SLC4A4: variants seen among roughly 807,000 people sequenced by gnomAD.
SLC4A4 encodes the protein solute carrier family 4 member 4.
A neutral mutation model predicts 111.5 loss-of-function variants in SLC4A4; 27 were observed. The ratio of observed to expected loss-of-function variants is 0.24; its 90% CI spans 0.18 to 0.33. The LOEUF is 0.33. Among genes scored for constraint, SLC4A4 ranks in the 10% least tolerant of loss-of-function variants. The probability of loss-of-function intolerance (pLI) is 1.00; values close to 1 mark genes in which losing one functional copy is unlikely to be tolerated. For missense variants in SLC4A4, 909 were observed against 1,315.5 expected (o/e 0.69, Z 4.78); for synonymous variants, 443 against 463.4 (o/e 0.96, Z 0.57).
At chr4:71,201,470 A>G (rs953076832) in intron 1 of SLC4A4, among the ~76,000 whole-genome samples, 1 of 152,146 alleles carries the variant, frequency 6.6e-6, no homozygotes, top group African/African-American at 2.4e-5. Context: ...TCTGCAGGGG[A>G]GATCTGGGCT....
chr4:71,406,645 C>CTTTTTTT (rs58765854), intron 7 of SLC4A4, among the ~76,000 whole-genome samples: 2 of 140,250 alleles, frequency 1.4e-5, no homozygotes, highest in Non-Finnish European at 1.5e-5. Flanking sequence ...AACAATGATT[C>CTTTTTTT]TTTTTTTTTT....
intron 2 of SLC4A4, among the ~76,000 whole-genome samples, chr4:71,151,322 G>T (rs759934223): frequency 6.6e-6 from 1 of 152,010 alleles, no homozygotes. Context: ...CTATATCAAC[G>T]GTAGGTTTTG....
At chr4:71,199,014 G>T (rs1198854129) in intron 1 of SLC4A4, among the ~76,000 whole-genome samples, 1 of 152,162 alleles carries the variant, frequency 6.6e-6, no homozygotes, top group Non-Finnish European at 1.5e-5. Context: ...TTGGTAAATA[G>T]ACCTAATCTT....
At chr4:71,081,173 C>T (rs1469144801) in intron 1 of SLC4A4, among the ~76,000 whole-genome samples, 2 of 152,132 alleles carry the variant, frequency 1.3e-5, no homozygotes, top group Non-Finnish European at 2.9e-5. Flanking sequence ...CTTTCCCACC[C>T]TGAGAGTACA....
At chr4:71,424,921 CAT>C (rs1290092870) in intron 7 of SLC4A4, among the ~76,000 whole-genome samples, 1 of 151,928 alleles carries the variant, frequency 6.6e-6, no homozygotes, top group Non-Finnish European at 1.5e-5. Flanking sequence ...AATGCACCAA[CAT>C]GGCACATGTA....
At chr4:71,109,762 C>T (rs1242373077) in intron 2 of SLC4A4, among the ~76,000 whole-genome samples, 8 of 152,030 alleles carry the variant, frequency 5.3e-5, no homozygotes, top group African/African-American at 1.9e-4. Context: ...AGGCTGGTCT[C>T]GAAACCCTGA....
intron 1 of SLC4A4, among the ~76,000 whole-genome samples, chr4:71,066,649 G>A (rs1252113101): frequency 1.3e-5 from 2 of 152,242 alleles, no homozygotes; most frequent in East Asian, 1.9e-4. Flanking sequence ...ATCAAATTGG[G>A]AATAATTGCT....
chr4:71,324,696 T>G (rs895306833), intron 3 of SLC4A4, among the ~76,000 whole-genome samples: 1 of 152,086 alleles, frequency 6.6e-6, no homozygotes, highest in Admixed American at 6.6e-5. Flanking sequence ...TAAAGAATTC[T>G]AAGTATCTTA....
chr4:71,294,323 T>G (rs1724609673), intron 3 of SLC4A4, among the ~76,000 whole-genome samples: 1 of 152,216 alleles, frequency 6.6e-6, no homozygotes, highest in Admixed American at 6.5e-5. Flanking sequence ...GCCTGTTCAT[T>G]GTATTTCCCT....
In SLC4A4 at chr4:71,568,079, G is replaced by A. The variant is rs1737662613; in HGVS notation, c.*328G>A. On this transcript the variant is annotated 3_prime_UTR_variant, in exon 26 of 26. Coordinates refer to ENST00000264485, the MANE Select transcript of SLC4A4 (RefSeq NM_001098484.3). ...AATAGTGCACCGTTCCTTAAAAACA[G>A]CATCTGAGGAATCCCCCTTTTGTTC... The A allele has an allele frequency of 2.0e-6, 1 of 495,580 alleles. No individual in the cohort carries two copies. The allele number at this position is 495,580 out of a possible 1,614,324, so 30.7% of individuals were successfully genotyped here. A position where few individuals can be genotyped will look rare whatever the true frequency, so the allele number is the denominator to read the frequency against.
Position 71,401,106 on chromosome 4 carries a change from T to C in SLC4A4, c.807+3453T>C, listed in dbSNP as rs146438768. Among the ~76,000 whole-genome samples, 118 of 152,294 alleles carry C rather than the reference T, an allele frequency of 7.7e-4. 1 individual carries two copies. The highest frequency in any genetic ancestry group is 2.7e-3 in the African/African-American group (112 of 41,578). On this transcript the variant is annotated intron_variant, in intron 7 of 25. Coordinates refer to ENST00000264485, the MANE Select transcript of SLC4A4 (RefSeq NM_001098484.3). ...TTCCTGGAGCTACCTAACTTCTTAG[T>C]AGCACAAAGAATGGGTTCAGAGTTA...
intron 22 of SLC4A4, among the ~76,000 whole-genome samples, chr4:71,559,573 C>T (rs1374624281): frequency 4.0e-5 from 6 of 151,796 alleles, no homozygotes; most frequent in South Asian, 2.1e-4. Flanking sequence ...ATTCAGTTAA[C>T]GGTGGTGATT....
intron 2 of SLC4A4, among the ~76,000 whole-genome samples, chr4:71,096,242 G>A (rs1742546837): frequency 6.6e-6 from 1 of 152,152 alleles, no homozygotes; most frequent in Non-Finnish European, 1.5e-5. Flanking sequence ...TCTCTGCATA[G>A]GGTGGCTGGA....
At chr4:71,193,519 A>C (rs1304884247) in intron 1 of SLC4A4, among the ~76,000 whole-genome samples, 1 of 152,190 alleles carries the variant, frequency 6.6e-6, no homozygotes, top group African/African-American at 2.4e-5. Flanking sequence ...TTTAGTAGAT[A>C]GTGCCTTCCT....
intron 13 of SLC4A4, among the ~76,000 whole-genome samples, chr4:71,469,934 G>T (rs1727710688): frequency 6.6e-6 from 1 of 151,938 alleles, no homozygotes; most frequent in South Asian, 2.1e-4. Flanking sequence ...CCATTAGCTA[G>T]TTAATGGATT....
chr4:71,213,923 G>T (rs527585162), intron 1 of SLC4A4, among the ~76,000 whole-genome samples: 1 of 152,264 alleles, frequency 6.6e-6, no homozygotes, highest in Non-Finnish European at 1.5e-5. Flanking sequence ...AGAAATAAAT[G>T]TCTGTTCTTT....
At chr4:71,217,580 A>C (rs1317063100) in intron 1 of SLC4A4, among the ~76,000 whole-genome samples, 1 of 152,184 alleles carries the variant, frequency 6.6e-6, no homozygotes, top group East Asian at 1.9e-4. Context: ...AAAAACAAAA[A>C]CAAACCACCA....
intron 2 of SLC4A4, among the ~76,000 whole-genome samples, chr4:71,240,193 C>T (rs949168031): frequency 8.5e-5 from 13 of 152,102 alleles, no homozygotes; most frequent in African/African-American, 3.1e-4. Flanking sequence ...ATGTTTTATT[C>T]CTAAAAAAGC....
intron 16 of SLC4A4, among the ~76,000 whole-genome samples, chr4:71,527,731 A>G (rs1224825415): frequency 2.0e-5 from 3 of 152,088 alleles, no homozygotes; most frequent in Non-Finnish European, 4.4e-5. Context: ...CTGCCTTTTA[A>G]ATAACTATTT....
Sources: allele counts gnomAD v4.1 joint callset (sites outside exome capture counted in the v4.1 genomes callset), GRCh38; gene constraint gnomAD v4.1.1; transcripts MANE v1.5; gene names NCBI Gene and HGNC (gene_info 2026-07-23, HGNC 2026-07-21).